Variants in RFFL observed in about 807,000 individuals in gnomAD.
RFFL encodes ring finger and FYVE like domain containing E3 ubiquitin protein ligase, also known as E3 ubiquitin-protein ligase rififylin.
A neutral mutation model predicts 40.4 loss-of-function variants in RFFL; 16 were observed. The ratio of observed to expected loss-of-function variants is 0.40; its 90% confidence interval spans 0.27 to 0.60. The LOEUF (loss-of-function observed/expected upper bound fraction) is 0.60, where lower values mean the gene tolerates loss of function less well. RFFL is among the 20% of genes least tolerant of loss of function. RFFL has a pLI of 0.47. For synonymous variants in RFFL, 154 were observed against 167.9 expected, an observed-to-expected ratio of 0.92 and a Z score of 0.64; for missense variants, 367 against 451.7, an observed-to-expected ratio of 0.81 and a Z score of 1.70.
intron 6 of RFFL, among the ~76,000 whole-genome samples, chr17:35,013,622 G>C (rs941232339): frequency 2.0e-5 from 3 of 152,218 alleles, no homozygotes; most frequent in Admixed American, 6.5e-5. Context: ...GTGTGAAAGG[G>C]AGTGAAACCC....
chr17:35,064,007 AGGCTGG>A (rs2091308547), upstream of RFFL, among the ~76,000 whole-genome samples: 1 of 152,238 alleles, frequency 6.6e-6, no homozygotes, highest in African/African-American at 2.4e-5. Flanking sequence ...ATCTGAGAAC[AGGCTGG>A]GGCTGGGGCC....
chr17:35,063,226 A>G (rs951804945), intron 1 of RFFL, among the ~76,000 whole-genome samples: 4 of 151,946 alleles, frequency 2.6e-5, no homozygotes, highest in Non-Finnish European at 5.9e-5. Flanking sequence ...GAGGCTGAGG[A>G]GGGTGGATCA....
At chr17:35,082,568 C>T (rs1226774954) in intron 1 of RFFL, among the ~76,000 whole-genome samples, 1 of 152,158 alleles carries the variant, frequency 6.6e-6, no homozygotes, top group African/African-American at 2.4e-5. Flanking sequence ...TAACTTTAGT[C>T]CTCACTCTTT....
At position 35,073,632 on chromosome 17, in the gene RFFL, A is replaced by ACTGC. The variant is rs1597842490; in HGVS notation, c.-9+15472_-9+15473insGCAG. ...CTTTCTACACTGACTCAGGCTTCTT[A>ACTGC]CTGAAAATGGTATATCACCATTTAC... On this transcript the variant is annotated intron_variant, in intron 1 of 6. Coordinates refer to the RFFL transcript ENST00000315249. Among the ~76,000 whole-genome samples the ACTGC allele has an allele frequency of 1.1e-4, 17 of 152,262 alleles. No homozygotes were observed. The East Asian group carries it at 3.3e-3, about 29-fold the overall frequency.
intron 1 of RFFL, among the ~76,000 whole-genome samples, chr17:35,071,736 A>G (rs2091351903): frequency 6.6e-6 from 1 of 152,202 alleles, no homozygotes; most frequent in African/African-American, 2.4e-5. Flanking sequence ...ACTTGTGTCC[A>G]TACAATCACC....
intron 1 of RFFL, among the ~76,000 whole-genome samples, chr17:35,042,903 C>G (rs1344333179): frequency 6.7e-6 from 1 of 148,916 alleles, no homozygotes; most frequent in Non-Finnish European, 1.5e-5. Flanking sequence ...TATGGTAGAA[C>G]TTTAGAATCC....
chr17:35,021,915 A>C, intron 2 of RFFL, 134 bp from the exon 3 acceptor site: 2 of 856,650 alleles, frequency 2.3e-6, no homozygotes, highest in South Asian at 3.4e-5. Context: ...GCTCTCTCAT[A>C]TATCTAAGGG....
intron 1 of RFFL, among the ~76,000 whole-genome samples, chr17:35,034,136 C>G (rs796819584): frequency 6.0e-5 from 9 of 150,198 alleles, no homozygotes; most frequent in African/African-American, 2.3e-4. Flanking sequence ...GAGCGAGACT[C>G]TGTCTCAAAA....
At chr17:35,047,751 CTT>C (rs34382647) in intron 1 of RFFL, among the ~76,000 whole-genome samples, 72 of 138,200 alleles carry the variant, frequency 5.2e-4, no homozygotes, top group Admixed American at 6.6e-4. Context: ...CCATGCCCAG[CTT>C]TTTTTTTTTT....
upstream of RFFL, among the ~76,000 whole-genome samples, chr17:35,067,456 C>CT (rs34727905): frequency 0.028 from 3,538 of 126,678 alleles, 148 homozygotes; most frequent in African/African-American, 0.089. Context: ...TCTTCCAAGC[C>CT]TTTTTTTTTT....
rs569052715 is a variant in RFFL at position 35,026,662 on chromosome 17, G to A, written c.-8-101C>T. The A allele has an allele frequency of 3.1e-4, 272 of 866,954 alleles. 1 individual carries two copies. The highest frequency in any genetic ancestry group is 2.3e-4 in the Admixed American group (8 of 34,086). The allele number at this position is 866,954 out of a possible 1,614,324, so 53.7% of individuals were successfully genotyped here. On this transcript the variant is annotated intron_variant, in intron 1 of 6. Coordinates refer to ENST00000394597, the MANE Select transcript of RFFL (RefSeq NM_001017368.2). ...AGGTGAGCAGTGACACTCAATGCACGCATGCCACCAAGGTGGAGGGGAGGA... is the reference window on the plus strand; with the variant it reads ...AGGTGAGCAGTGACACTCAATGCACACATGCCACCAAGGTGGAGGGGAGGA...
chr17:35,007,093 C>T lies in RFFL; in HGVS notation c.*4875G>A, dbSNP rs3744357. On this transcript the variant is annotated 3_prime_UTR_variant, in exon 7 of 7. Transcript: ENST00000394597. ...TTCAGCCTCAGGCCAAACAAACAACCGGACAGGGCAGCAGAACAAGGCTGT... is the reference window on the plus strand; with the variant it reads ...TTCAGCCTCAGGCCAAACAAACAACTGGACAGGGCAGCAGAACAAGGCTGT... 34,476 of 152,138 alleles carry T rather than the reference C, an allele frequency of 0.23. 6,336 individuals carry two copies. Among genetic ancestry groups the T allele is most frequent in the African/African-American group, 0.51 (21,197 of 41,450 alleles). 9.4% of individuals were successfully genotyped at this position (152,138 alleles called of 1,614,324 possible).
chr17:35,032,360 TAG>T (rs2091090695), intron 1 of RFFL, among the ~76,000 whole-genome samples: 1 of 151,912 alleles, frequency 6.6e-6, no homozygotes, highest in South Asian at 2.1e-4. Flanking sequence ...GTTGCTGCAG[TAG>T]AGAGGCAAGA....
chr17:35,025,896 G>A (rs192993359), intron 2 of RFFL, among the ~76,000 whole-genome samples: 1 of 152,308 alleles, frequency 6.6e-6, no homozygotes, highest in Non-Finnish European at 1.5e-5. Flanking sequence ...TCATGTACCT[G>A]AGGCATCCTT....
At chr17:35,037,579 T>C (rs972663922) in intron 1 of RFFL, among the ~76,000 whole-genome samples, 14 of 152,200 alleles carry the variant, frequency 9.2e-5, no homozygotes, top group African/African-American at 3.1e-4. Context: ...TTTTACCTAG[T>C]GTTATCTCAT....
At chr17:35,072,677 A>T (rs1352045093) in intron 1 of RFFL, among the ~76,000 whole-genome samples, 1 of 152,082 alleles carries the variant, frequency 6.6e-6, no homozygotes, top group Admixed American at 6.6e-5. Flanking sequence ...AAAACGGGTG[A>T]CGGGTACATG....
At chr17:35,063,920 ATTCCCCCACTAC>A (rs1160004967), upstream of RFFL, 5 of 152,208 alleles carry the variant, frequency 3.3e-5, no homozygotes, top group African/African-American at 1.2e-4. Flanking sequence ...GGTAAACCTC[ATTCCCCCACTAC>A]TGGTAACTTG....
chr17:35,028,785 C>A lies in RFFL; in HGVS notation c.-8-2224G>T, dbSNP rs569329311. 1.2e-4 allele frequency among the ~76,000 whole-genome samples: 19 copies of A among 152,112 alleles called. No homozygotes were observed. In the South Asian group the frequency reaches 3.9e-3, roughly 32 times the overall value. On this transcript the variant is annotated intron_variant, in intron 1 of 6. Transcript: ENST00000394597. ...AATGAGAACCAGCAAGGGGAAGTAA[C>A]TTCCTAGGTCAAATAGCTCATAACC...
At chr17:35,024,127 A>C (rs2091026807) in intron 2 of RFFL, among the ~76,000 whole-genome samples, 1 of 152,188 alleles carries the variant, frequency 6.6e-6, no homozygotes. Context: ...CCAGCATCAC[A>C]GAACTGGCCG....
Sources: allele counts gnomAD v4.1 joint callset (sites outside exome capture counted in the v4.1 genomes callset), GRCh38; gene constraint gnomAD v4.1.1; transcripts MANE v1.5; gene names NCBI Gene and HGNC (gene_info 2026-07-23, HGNC 2026-07-21).